Variants in COL4A2 observed in about 807,000 individuals in gnomAD.
COL4A2 encodes the protein collagen type IV alpha 2 chain, also known as collagen alpha-2(IV) chain.
A neutral mutation model predicts 200.2 loss-of-function variants in COL4A2; 99 were observed. The observed-to-expected ratio is 0.49, with a 90% CI of 0.42 to 0.58. The LOEUF (loss-of-function observed/expected upper bound fraction) is 0.58. Ranked by LOEUF, COL4A2 falls within the 20% of genes least tolerant of loss-of-function variation. The pLI is 0.00. For missense variants in COL4A2, 1,950 were observed against 2,314.1 expected (o/e 0.84, Z 3.23); for synonymous variants, 897 against 900.6 (o/e 1.00, Z 0.07).
intron 4 of COL4A2, among the ~76,000 whole-genome samples, chr13:110,387,985 G>A (rs985444149): frequency 6.6e-6 from 1 of 152,190 alleles, no homozygotes. Context: ...AAACACGTGT[G>A]CCTCGGTTGT....
intron 16 of COL4A2, 85 bp from the exon 17 acceptor site, chr13:110,445,744 T>C: frequency 6.6e-7 from 1 of 1,507,308 alleles, no homozygotes; most frequent in Non-Finnish European, 9.2e-7. Flanking sequence ...GTTGTTCATT[T>C]TGTGAGATAT....
At chr13:110,464,834 A>C (rs1594088295) in intron 24 of COL4A2, among the ~76,000 whole-genome samples, 1 of 150,454 alleles carries the variant, frequency 6.6e-6, no homozygotes, top group Non-Finnish European at 1.5e-5. Context: ...CAGCCTCCCC[A>C]CCCCATCCCT....
intron 29 of COL4A2, 49 bp downstream of exon 29, chr13:110,473,199 G>C (rs1400282989): frequency 6.6e-7 from 1 of 1,519,170 alleles, no homozygotes; most frequent in East Asian, 2.5e-5. Flanking sequence ...ATGCACAGTG[G>C]CCTCCAAGGG....
intron 6 of COL4A2, among the ~76,000 whole-genome samples, chr13:110,425,864 T>C (rs145936542): frequency 1.7e-4 from 26 of 152,294 alleles, no homozygotes; most frequent in African/African-American, 5.5e-4. Context: ...AGAGAACTCA[T>C]GCGTTTCCAT....
intron 3 of COL4A2, among the ~76,000 whole-genome samples, chr13:110,333,722 C>G (rs11069839): frequency 0.41 from 62,227 of 152,058 alleles, 12,899 homozygotes; most frequent in African/African-American, 0.49. Context: ...CTCTGCGAGT[C>G]TGAACTCGTT....
At chr13:110,369,927 T>G (rs557131525) in intron 4 of COL4A2, among the ~76,000 whole-genome samples, 1 of 152,274 alleles carries the variant, frequency 6.6e-6, no homozygotes. Context: ...CCTAAAGTAT[T>G]AATTATCAAT....
chr13:110,504,026 G>A (rs1001355267), intron 44 of COL4A2, 33 bp downstream of exon 44: 30 of 1,557,216 alleles, frequency 1.9e-5, no homozygotes, highest in East Asian at 4.5e-5. Flanking sequence ...GGAGCCCCTC[G>A]GGGCTGCCCG....
chr13:110,336,534 G>T (rs1304474910), intron 3 of COL4A2, among the ~76,000 whole-genome samples: 2 of 152,200 alleles, frequency 1.3e-5, no homozygotes, highest in African/African-American at 2.4e-5. Context: ...ACCTGGCCTA[G>T]TAGGCCTCAT....
intron 28 of COL4A2, 30 bp downstream of exon 28, chr13:110,469,354 C>T: frequency 2.6e-6 from 4 of 1,552,704 alleles, no homozygotes; most frequent in Non-Finnish European, 3.5e-6. Context: ...CCATTCAGCC[C>T]CTGGGTTCCA....
chr13:110,404,647 G>A (rs7328731), intron 4 of COL4A2, among the ~76,000 whole-genome samples: 30,004 of 152,132 alleles, frequency 0.2, 3,066 homozygotes, highest in Middle Eastern at 0.26. Context: ...AGGGAGGTGG[G>A]TCTGAGAAAC....
intron 16 of COL4A2, 68 bp downstream of exon 16, chr13:110,439,901 G>T (rs1422132286): frequency 7.1e-6 from 11 of 1,549,470 alleles, no homozygotes; most frequent in Non-Finnish European, 9.5e-6. Context: ...AAATAAATAG[G>T]CCTTGGCATC....
At chr13:110,314,178 T>G (rs1885073308) in intron 3 of COL4A2, among the ~76,000 whole-genome samples, 1 of 152,246 alleles carries the variant, frequency 6.6e-6, no homozygotes. Flanking sequence ...TTATAAAATG[T>G]CAATATGACA....
intron 4 of COL4A2, among the ~76,000 whole-genome samples, chr13:110,366,698 A>G (rs912430903): frequency 2.6e-5 from 4 of 152,222 alleles, no homozygotes. Flanking sequence ...TATTTTGTCC[A>G]TCATTAAATC....
chr13:110,392,517 C>T (rs1275012937), intron 4 of COL4A2, among the ~76,000 whole-genome samples: 2 of 152,184 alleles, frequency 1.3e-5, no homozygotes, highest in Admixed American at 1.3e-4. Context: ...TCCGGCCCCT[C>T]TGCCTGTGTG....
chr13:110,413,076 T>C (rs1441810251), intron 4 of COL4A2, among the ~76,000 whole-genome samples: 2 of 151,886 alleles, frequency 1.3e-5, no homozygotes, highest in Non-Finnish European at 2.9e-5. Context: ...GAATGGAGGG[T>C]GGAGGGGACT....
At chr13:110,465,903 C>T in intron 25 of COL4A2, 100 bp from the exon 26 acceptor site, 7 of 1,401,518 alleles carry the variant, frequency 5.0e-6, no homozygotes, top group Non-Finnish European at 6.8e-6. Context: ...CCACCAGCAA[C>T]ATATACGACA....
rs1450610239 is a variant in COL4A2, at chr13:110,364,039, TA to T, written c.180+6492del. Among the ~76,000 whole-genome samples the T allele has an allele frequency of 5.9e-5, 9 of 152,308 alleles. No individual in the cohort carries two copies. The East Asian group carries it at 1.7e-3, about 29-fold the overall frequency. ...TTTGAAGATGTGGGCATGTGTGGAA[TA>T]AAAACATCAGTGCTGCTGGTCGGAC... is the stretch of plus-strand genomic sequence containing the variant. On this transcript the variant is annotated intron_variant, in intron 4 of 47. Transcript: ENST00000360467.
In COL4A2 at chr13:110,465,497, G is replaced by A. The variant is rs773649473; in HGVS notation, c.1869G>A (p.Leu623=). 6.2e-7 allele frequency: 1 copy of A among 1,614,032 alleles called. No homozygotes were observed. Among genetic ancestry groups the A allele is most frequent in the South Asian group, 1.1e-5 (1 of 91,086 alleles). The change falls in exon 25 of 48, where the codon CTG becomes CTA. Residue 623 remains leucine (L), a synonymous_variant. Transcript: ENST00000360467. ...GTPGEMGPPG[L]GLPGLKGQRG... is the part of the protein sequence containing the mutation. ...CAGGAGAAATGGGCCCCCCAGGACT[G>A]GGCCTTCCCGGCCTCAAAGGCCAAC...
At chr13:110,341,210 T>A (rs1053073375) in intron 3 of COL4A2, among the ~76,000 whole-genome samples, 1 of 152,220 alleles carries the variant, frequency 6.6e-6, no homozygotes, top group Admixed American at 6.5e-5. Context: ...CGTGGCGTCA[T>A]CGGGACGACG....
Sources: allele counts gnomAD v4.1 joint callset (sites outside exome capture counted in the v4.1 genomes callset), GRCh38; gene constraint gnomAD v4.1.1; transcripts MANE v1.5; gene names NCBI Gene and HGNC (gene_info 2026-07-23, HGNC 2026-07-21).